The following OPN3 variants were observed in gnomAD, a reference collection of about 807,000 sequenced individuals.
The protein encoded by OPN3 is opsin-3.
In OPN3, 29 loss-of-function variants were observed where a neutral mutation model predicts 33.8. The observed-to-expected ratio is 0.86, with a 90% CI of 0.64 to 1.17. The LOEUF is 1.17. OPN3 is among the 50% of genes most tolerant of loss of function. The pLI, the probability that OPN3 is intolerant of heterozygous loss-of-function variation, is 0.00. For synonymous variants in OPN3, 216 were observed against 216.1 expected, an observed-to-expected ratio of 1.00 and a Z score of 0.00; for missense variants, 437 against 514.1, an observed-to-expected ratio of 0.85 and a Z score of 1.45.
intron 1 of OPN3, chr1:241,632,740 T>C (rs1217425470): frequency 6.6e-6 from 1 of 152,136 alleles, no homozygotes; most frequent in East Asian, 1.9e-4. Flanking sequence ...CTATCAGTTA[T>C]GTTATAGTGA....
At chr1:241,598,986 G>A (rs984588246) in intron 2 of OPN3, among the ~76,000 whole-genome samples, 4 of 151,962 alleles carry the variant, frequency 2.6e-5, no homozygotes, top group Admixed American at 1.3e-4. Context: ...TTTGGTTCTA[G>A]CATTATCATA....
chr1:241,616,647 TA>T (rs1664140800), intron 1 of OPN3, among the ~76,000 whole-genome samples: 1 of 152,154 alleles, frequency 6.6e-6, no homozygotes, highest in African/African-American at 2.4e-5. Flanking sequence ...ATAAAAGTTA[TA>T]TACACATGAC....
At chr1:241,594,807 G>A (rs1334599905) in intron 3 of OPN3, 116 bp from the exon 4 acceptor site, 19 of 1,170,324 alleles carry the variant, frequency 1.6e-5, no homozygotes, top group Non-Finnish European at 1.9e-5. Context: ...GTTAGCAGGT[G>A]TGGATGTGGG....
intron 1 of OPN3, chr1:241,631,837 T>C (rs1664645985): frequency 6.6e-6 from 1 of 152,116 alleles, no homozygotes; most frequent in Admixed American, 6.5e-5. Flanking sequence ...GCTAGACTAA[T>C]TTTCGTGGGC....
intron 1 of OPN3, among the ~76,000 whole-genome samples, chr1:241,625,539 A>T (rs652571): frequency 0.74 from 112,787 of 152,124 alleles, 42,545 homozygotes; most frequent in African/African-American, 0.88. Context: ...TGCAAATTTC[A>T]AACCTATACC....
chr1:241,594,449 T>G lies in OPN3; in HGVS notation c.1188A>C (p.Val396=). Reference sequence around the variant, plus strand: ...ATTCCTACAAAGGACGAACTTGGATTACATCAACTTTGGACCCATTGGTTT... The same window carrying G: ...ATTCCTACAAAGGACGAACTTGGATGACATCAACTTTGGACCCATTGGTTT... ...SDKTNGSKVD[V]IQVRPL The change falls in exon 4 of 4, where the codon GTA becomes GTC. Residue 396 remains valine, a synonymous_variant. Coordinates refer to ENST00000366554, the MANE Select transcript of OPN3 (RefSeq NM_014322.3). 6.2e-7 allele frequency: 1 copy of G among 1,613,344 alleles called. No individual in the cohort carries two copies. The highest frequency in any genetic ancestry group is 8.5e-7 in the Non-Finnish European group (1 of 1,179,332).
chr1:241,632,018 T>C (rs1664654436), intron 1 of OPN3: 1 of 152,228 alleles, frequency 6.6e-6, no homozygotes, highest in Non-Finnish European at 1.5e-5. Context: ...TGATATGGTT[T>C]GGCTGTGTTC....
rs143633276 is a variant in OPN3, at chr1:241,600,568, T to G, written c.694-2571A>C. ...GCCTAGTGCTCCTTAATCCAAGACA[T>G]CTGTAGATTTTCAAAGAATTTCACT... On this transcript the variant is annotated intron_variant, in intron 2 of 3. Coordinates refer to ENST00000366554, the MANE Select transcript of OPN3 (RefSeq NM_014322.3). 2.3e-3 allele frequency: 345 copies of G among 152,320 alleles called. 1 individual carries two copies. Among genetic ancestry groups the G allele is most frequent in the African/African-American group, 8.0e-3 (332 of 41,590 alleles). The allele number at this position is 152,320 out of a possible 1,614,324, so 9.4% of individuals were successfully genotyped here.
intron 1 of OPN3, among the ~76,000 whole-genome samples, chr1:241,620,275 T>C (rs962960589): frequency 2.6e-5 from 4 of 152,118 alleles, no homozygotes; most frequent in Non-Finnish European, 5.9e-5. Flanking sequence ...TTTTAAAAGG[T>C]AAAAAGAAAC....
chr1:241,606,080 T>C (rs1663822447), intron 1 of OPN3, among the ~76,000 whole-genome samples: 1 of 152,064 alleles, frequency 6.6e-6, no homozygotes, highest in African/African-American at 2.4e-5. Flanking sequence ...GGAAACCAAC[T>C]TGAAGGCTAT....
At chr1:241,596,997 CTT>C (rs66972551) in intron 3 of OPN3, among the ~76,000 whole-genome samples, 16 of 146,766 alleles carry the variant, frequency 1.1e-4, no homozygotes, top group Non-Finnish European at 1.1e-4. Context: ...CTAATTTTTT[CTT>C]TTTTTTTTTT....
chr1:241,594,662 G>A lies in OPN3; in HGVS notation c.975C>T (p.Cys325=), dbSNP rs2147992575. The A allele has an allele frequency of 1.9e-6, 3 of 1,613,902 alleles. No homozygotes were observed. The highest frequency in any genetic ancestry group is 2.5e-6 in the Non-Finnish European group (3 of 1,179,908). The change falls in exon 4 of 4, where the codon TGC becomes TGT. Residue 325 remains cysteine, a synonymous_variant. Coordinates refer to ENST00000366554, the MANE Select transcript of OPN3 (RefSeq NM_014322.3). ...GCCTCTGGCACCTCAGCAGTCGGAGGCACAGAAGCTGCAAAAGGGATCTTC... is the reference window on the plus strand; with the variant it reads ...GCCTCTGGCACCTCAGCAGTCGGAGACACAGAAGCTGCAAAAGGGATCTTC... ...KFRRSLLQLL[C]LRLLRCQRPA...
intron 1 of OPN3, chr1:241,631,508 T>C (rs994357741): frequency 1.3e-5 from 2 of 152,174 alleles, no homozygotes; most frequent in Non-Finnish European, 2.9e-5. Flanking sequence ...ACTTTTACTA[T>C]ATTTTTAAAA....
rs746475526 is a variant in OPN3, at chr1:241,640,089, C to A, written c.166G>T (p.Val56Phe). 63 of 1,609,840 alleles carry A rather than the reference C, an allele frequency of 3.9e-5. No individual in the cohort carries two copies. The highest frequency in any genetic ancestry group is 5.1e-5 in the Non-Finnish European group (60 of 1,178,496). The change falls in exon 1 of 4, where the codon GTC becomes TTC. Residue 56 changes from valine to phenylalanine, a missense_variant. Physicochemically the swap from Val to Phe is conservative, Grantham distance 50. Coordinates refer to ENST00000366554, the MANE Select transcript of OPN3 (RefSeq NM_014322.3). The stretch of plus-strand genomic sequence containing the variant: ...ACGAGCACCAGCAGGTTGTTGCCGA[C>A]GCCCAGCAGCCCAATGGAGCCCAGC... ...LLLGSIGLLG[V>F]GNNLLVLVLY... is the part of the protein sequence containing the mutation.
chr1:241,593,567 G>A lies in OPN3; in HGVS notation c.*861C>T. The A allele has an allele frequency of 1.3e-5, 3 of 237,042 alleles. No individual in the cohort carries two copies. The allele number at this position is 237,042 out of a possible 1,614,324, so 14.7% of individuals were successfully genotyped here. On this transcript the variant is annotated 3_prime_UTR_variant, in exon 4 of 4. Transcript: ENST00000366554. ...TAATTTTTCCTTCTACCCACTTTAG[G>A]TTCCTTGGCTGGGGCCCCTATAACA...
rs754032007 is a variant in OPN3 at position 241,597,863 on chromosome 1, G to A, written c.828C>T (p.Phe276=). 1.9e-6 allele frequency: 3 copies of A among 1,613,912 alleles called. No individual in the cohort carries two copies. Among genetic ancestry groups the A allele is most frequent in the Non-Finnish European group, 2.5e-6 (3 of 1,179,988 alleles). ...VCWMPYIVIC[F]LVVNGHGHLV... is the part of the protein sequence containing the mutation. ...GGTGACCATGACCATTAACCACCAA[G>A]AAGCAGATCACGATATAAGGCATCC... is the stretch of plus-strand genomic sequence containing the variant. The change falls in exon 3 of 4, where the codon TTC becomes TTT. Residue 276 remains phenylalanine, a synonymous_variant. Coordinates refer to ENST00000366554, the MANE Select transcript of OPN3 (RefSeq NM_014322.3).
intron 1 of OPN3, among the ~76,000 whole-genome samples, chr1:241,614,559 G>A (rs980129329): frequency 6.6e-6 from 1 of 152,208 alleles, no homozygotes; most frequent in Non-Finnish European, 1.5e-5. Flanking sequence ...CCTAGGCTAC[G>A]CTGGGCACCT....
At chr1:241,632,592 G>A (rs1004991413) in intron 1 of OPN3, 4 of 152,040 alleles carry the variant, frequency 2.6e-5, no homozygotes, top group African/African-American at 9.7e-5. Flanking sequence ...ATGACGTTGG[G>A]TGGCTCTGGG....
At chr1:241,639,084 T>C (rs963964296) in intron 1 of OPN3, 4 of 152,244 alleles carry the variant, frequency 2.6e-5, no homozygotes, top group Non-Finnish European at 5.9e-5. Flanking sequence ...GAAACTTAAA[T>C]CTTCCATAAT....
Sources: allele counts gnomAD v4.1 joint callset (sites outside exome capture counted in the v4.1 genomes callset), GRCh38; gene constraint gnomAD v4.1.1; transcripts MANE v1.5; gene names NCBI Gene and HGNC (gene_info 2026-07-23, HGNC 2026-07-21).